The following GRAMD1B variants were observed in gnomAD, a reference collection of about 807,000 sequenced individuals.
The protein encoded by GRAMD1B is protein Aster-B.
Under a neutral mutation model 99.7 loss-of-function variants are expected in GRAMD1B, and 37 were observed. The ratio of observed to expected loss-of-function variants is 0.37; its 90% CI spans 0.29 to 0.49. The LOEUF (loss-of-function observed/expected upper bound fraction) is 0.49. Among genes scored for constraint, GRAMD1B ranks in the 20% least tolerant of loss-of-function variants. The pLI, the probability that GRAMD1B is intolerant of heterozygous loss-of-function variation, is 0.98. For synonymous variants in GRAMD1B, 427 were observed against 387.6 expected, an observed-to-expected ratio of 1.10 and a Z score of -1.19; for missense variants, 888 against 1,009.2, an observed-to-expected ratio of 0.88 and a Z score of 1.63.
chr11:123,386,821 C>T (rs766614171), intron 1 of GRAMD1B, among the ~76,000 whole-genome samples: 9 of 152,204 alleles, frequency 5.9e-5, no homozygotes, highest in Non-Finnish European at 1.2e-4. Context: ...CGGCAGTAGC[C>T]GCAGCTAGGC....
chr11:123,612,872 CT>C lies in GRAMD1B; in HGVS notation c.2023+9del. The C allele has an allele frequency of 6.7e-7, 1 of 1,498,364 alleles. No individual in the cohort carries two copies. Among genetic ancestry groups the C allele is most frequent in the East Asian group, 2.3e-5 (1 of 44,264 alleles). The allele number at this position is 1,498,364 out of a possible 1,614,324, so 92.8% of individuals were successfully genotyped here. A position where few individuals can be genotyped will look rare whatever the true frequency, so the allele number is the denominator to read the frequency against. ...ACTACTTCCGCCATTTAGGTGAGCA[CT>C]GCAATCCTTGCTGCTAGCTGGGCTG... On this transcript the variant is annotated intron_variant, in intron 15 of 19. Transcript: ENST00000635736.
At chr11:123,583,331 T>C (rs768925117) in intron 3 of GRAMD1B, among the ~76,000 whole-genome samples, 17 of 147,088 alleles carry the variant, frequency 1.2e-4, no homozygotes, top group Non-Finnish European at 2.1e-4. Flanking sequence ...TGTGTGTGCA[T>C]GTGTGTGGTG....
intron 1 of GRAMD1B, among the ~76,000 whole-genome samples, chr11:123,380,314 G>C (rs1297404747): frequency 6.6e-6 from 1 of 152,096 alleles, no homozygotes; most frequent in African/African-American, 2.4e-5. Context: ...CTTACATTTA[G>C]GTCTTTGATC....
chr11:123,359,130 C>G (rs1946053271), intron 1 of GRAMD1B, among the ~76,000 whole-genome samples: 1 of 152,058 alleles, frequency 6.6e-6, no homozygotes, highest in Non-Finnish European at 1.5e-5. Flanking sequence ...GTGCACAGAA[C>G]AGGTAGAGAG....
At chr11:123,546,229 A>AT (rs1565354926) in intron 2 of GRAMD1B, among the ~76,000 whole-genome samples, 4 of 152,044 alleles carry the variant, frequency 2.6e-5, no homozygotes, top group African/African-American at 9.7e-5. Flanking sequence ...AGGAGGATGG[A>AT]CAGAAGTGTC....
chr11:123,597,781 C>G (rs1565438967), intron 7 of GRAMD1B, among the ~76,000 whole-genome samples: 1 of 152,220 alleles, frequency 6.6e-6, no homozygotes, highest in Non-Finnish European at 1.5e-5. Context: ...AAACACATCT[C>G]AAACCTGCAT....
intron 2 of GRAMD1B, among the ~76,000 whole-genome samples, chr11:123,572,779 G>T (rs181961729): frequency 6.6e-6 from 1 of 150,530 alleles, no homozygotes; most frequent in African/African-American, 2.4e-5. Flanking sequence ...GCGCAGGTAG[G>T]CCCCGATGGC....
Position 123,587,272 on chromosome 11 carries a change from A to C in GRAMD1B, c.684+2940A>C, listed in dbSNP as rs910685974. ...GGAGAGGCCATAGCAGGAGAGTGTC[A>C]GGTCCAGAGTGGGGTTTGAAGGCAG... On this transcript the variant is annotated intron_variant, in intron 4 of 19. Transcript: ENST00000635736. The surrounding 1 kb of genome is among the most constrained non-coding windows in gnomAD (Gnocchi z 4.2). Among the ~76,000 whole-genome samples, 3 of 152,186 alleles carry C rather than the reference A, an allele frequency of 2.0e-5. No individual in the cohort carries two copies. Among genetic ancestry groups the C allele is most frequent in the Non-Finnish European group, 2.9e-5 (2 of 68,020 alleles).
upstream of GRAMD1B, among the ~76,000 whole-genome samples, chr11:123,426,471 C>G (rs1240419428): frequency 6.6e-6 from 1 of 152,208 alleles, no homozygotes; most frequent in Non-Finnish European, 1.5e-5. Flanking sequence ...TGAAGACAGT[C>G]AACATTGCTC....
chr11:123,538,526 A>G (rs1276139310), intron 2 of GRAMD1B, among the ~76,000 whole-genome samples: 1 of 152,152 alleles, frequency 6.6e-6, no homozygotes, highest in African/African-American at 2.4e-5. Context: ...CACACCATTT[A>G]GCTAGCAGTC....
intron 1 of GRAMD1B, among the ~76,000 whole-genome samples, chr11:123,418,443 G>A (rs1215233788): frequency 6.6e-6 from 1 of 152,182 alleles, no homozygotes; most frequent in Admixed American, 6.5e-5. Flanking sequence ...AGAGTTGATA[G>A]ATAAGCTGTT....
At chr11:123,388,323 A>G (rs772996887) in intron 1 of GRAMD1B, among the ~76,000 whole-genome samples, 29 of 152,150 alleles carry the variant, frequency 1.9e-4, no homozygotes, top group Middle Eastern at 3.4e-3. Context: ...GGCCTTTCAA[A>G]GGTGATTAGG....
intron 1 of GRAMD1B, among the ~76,000 whole-genome samples, chr11:123,468,395 A>T (rs545908621): frequency 2.5e-4 from 38 of 152,324 alleles, no homozygotes; most frequent in Non-Finnish European, 4.1e-4. Flanking sequence ...GAAAAAAATG[A>T]CACAATGGGA....
chr11:123,507,465 T>C (rs1940550107), intron 2 of GRAMD1B, among the ~76,000 whole-genome samples: 1 of 152,152 alleles, frequency 6.6e-6, no homozygotes, highest in South Asian at 2.1e-4. Context: ...TAGTGTGGGA[T>C]GGAATAGGAA....
intron 2 of GRAMD1B, chr11:123,526,158 T>C: frequency 6.2e-7 from 1 of 1,613,328 alleles, no homozygotes; most frequent in Non-Finnish European, 8.5e-7. Flanking sequence ...AATGAAAGGA[T>C]TCAAGCTCTC....
At chr11:123,516,723 A>G (rs1229701202) in intron 2 of GRAMD1B, among the ~76,000 whole-genome samples, 1 of 152,148 alleles carries the variant, frequency 6.6e-6, no homozygotes, top group Non-Finnish European at 1.5e-5. Context: ...GAAAACAGAG[A>G]TATATCCTTC....
At chr11:123,497,019 G>T (rs1591713491) in intron 2 of GRAMD1B, among the ~76,000 whole-genome samples, 1 of 152,246 alleles carries the variant, frequency 6.6e-6, no homozygotes, top group East Asian at 1.9e-4. Flanking sequence ...GCTTGTAGAT[G>T]TTCTTTGGTG....
Position 123,613,600 on chromosome 11 carries a change from G to A in GRAMD1B, c.2169G>A (p.Met723Ile). 6.2e-7 allele frequency: 1 copy of A among 1,613,944 alleles called. No individual in the cohort carries two copies. Among genetic ancestry groups the A allele is most frequent in the Non-Finnish European group, 8.5e-7 (1 of 1,179,876 alleles). ...HLRVPHLEEVMSPVTTPTDED... is the reference protein window; with the variant it reads ...HLRVPHLEEVISPVTTPTDED... ...GAGTCCCTCACCTGGAAGAGGTGAT[G>A]AGCCCGGTCACCACGCCCACAGATG... Residue 723 changes from methionine to isoleucine, a missense_variant, in exon 16 of 20, where the codon ATG becomes ATA. Transcript: ENST00000635736.
At chr11:123,450,913 G>A (rs1435695958) in intron 1 of GRAMD1B, among the ~76,000 whole-genome samples, 1 of 152,148 alleles carries the variant, frequency 6.6e-6, no homozygotes, top group African/African-American at 2.4e-5. Context: ...GCCAGAAATG[G>A]CCCTTTATTA....
Sources: allele counts gnomAD v4.1 joint callset (sites outside exome capture counted in the v4.1 genomes callset), GRCh38; gene constraint gnomAD v4.1.1; non-coding constraint Gnocchi (gnomAD v3.1); transcripts MANE v1.5; gene names NCBI Gene and HGNC (gene_info 2026-07-23, HGNC 2026-07-21).